The following OTOR variants were observed in gnomAD, a reference collection of about 807,000 sequenced individuals.
OTOR encodes fibrocyte-derived protein.
In OTOR, 20 loss-of-function variants were observed where a neutral mutation model predicts 15.9. The ratio of observed to expected loss-of-function variants is 1.26; its 90% CI spans 0.89 to 1.83. The LOEUF (loss-of-function observed/expected upper bound fraction) is 1.83, where lower values mean the gene tolerates loss of function less well. OTOR is among the 40% of genes most tolerant of loss of function. The pLI is 0.00. For synonymous variants in OTOR, 53 were observed against 54.2 expected (o/e 0.98, Z 0.09); for missense variants, 184 against 159.0 (o/e 1.16, Z -0.85).
At chr20:16,749,259 C>T in intron 2 of OTOR, 1 of 304,630 alleles carries the variant, frequency 3.3e-6, no homozygotes, top group Non-Finnish European at 5.9e-6. Flanking sequence ...TTAAACATCC[C>T]AAAGAATTTG....
At chr20:16,751,003 T>G (rs1397665076) in intron 3 of OTOR, 92 bp from the exon 4 acceptor site, 15 of 957,364 alleles carry the variant, frequency 1.6e-5, no homozygotes, top group Non-Finnish European at 2.2e-5. Context: ...CAAATTTCTC[T>G]GATTAGATAT....
At chr20:16,750,539 C>A (rs1022042047) in intron 3 of OTOR, among the ~76,000 whole-genome samples, 1 of 151,952 alleles carries the variant, frequency 6.6e-6, no homozygotes, top group South Asian at 2.1e-4. Flanking sequence ...AATAAAGAAA[C>A]CAAAGTCAGC....
chr20:16,749,235 A>G (rs1339557428), intron 2 of OTOR: 2 of 361,204 alleles, frequency 5.5e-6, no homozygotes, highest in Non-Finnish European at 9.8e-6. Flanking sequence ...AAAAAGAGTC[A>G]AATACATGGG....
At chr20:16,749,118 T>G in intron 2 of OTOR, 112 bp downstream of exon 2, 1 of 668,204 alleles carries the variant, frequency 1.5e-6, no homozygotes, top group East Asian at 3.3e-5. Flanking sequence ...ATGTAGTGAT[T>G]GTAGATGGAA....
rs1276925082 is a variant in OTOR at position 16,749,892 on chromosome 20, T to G, written c.256-11T>G. The G allele has an allele frequency of 6.3e-7, 1 of 1,581,862 alleles. No individual in the cohort carries two copies. Among genetic ancestry groups the G allele is most frequent in the South Asian group, 1.1e-5 (1 of 90,352 alleles). The stretch of plus-strand genomic sequence containing the variant: ...AGCTTTTTCCTGATTGCTATTCTTC[T>G]GGGCACTTAGGTTTATGGTGATGGC... On this transcript the variant is annotated splice_polypyrimidine_tract_variant and intron_variant, in intron 2 of 3. Coordinates refer to ENST00000246081, the MANE Select transcript of OTOR (RefSeq NM_020157.4).
intron 1 of OTOR, 135 bp from the exon 2 acceptor site, chr20:16,748,732 T>C (rs1382722346): frequency 2.6e-6 from 2 of 765,806 alleles, no homozygotes; most frequent in Admixed American, 3.3e-5. Context: ...GTCTTCTTTC[T>C]CTTGGATAGA....
Position 16,748,381 on chromosome 20 carries a change from G to C in OTOR, c.-21G>C. 1 of 1,536,754 alleles carries C rather than the reference G, an allele frequency of 6.5e-7. No individual in the cohort carries two copies. The highest frequency in any genetic ancestry group is 9.0e-7 in the Non-Finnish European group (1 of 1,109,626). Reference sequence around the variant, plus strand: ...GTCCCCGCTTCCAGTCAGAGTTCAAGTTAAAACAGAAAAAAGGAAGATGGC... The same window carrying C: ...GTCCCCGCTTCCAGTCAGAGTTCAACTTAAAACAGAAAAAAGGAAGATGGC... On this transcript the variant is annotated 5_prime_UTR_variant, in exon 1 of 4. Transcript: ENST00000246081.
Position 16,751,154 on chromosome 20 carries a change from C to CA in OTOR, c.*41dup. ...AAAACTGCAAATAGAAAGAAAACACCAAAAATAAAGAAAAGAGCAAAAGTG... is the reference window on the plus strand; with the variant it reads ...AAAACTGCAAATAGAAAGAAAACACCAAAAAATAAAGAAAAGAGCAAAAGTG... On this transcript the variant is annotated 3_prime_UTR_variant, in exon 4 of 4. Transcript: ENST00000246081. 2.8e-6 allele frequency: 4 copies of CA among 1,441,298 alleles called. 1 individual carries two copies. The South Asian group carries it at 5.2e-5, about 19-fold the overall frequency. 89.3% of individuals were successfully genotyped at this position (1,441,298 alleles called of 1,614,324 possible). A position where few individuals can be genotyped will look rare whatever the true frequency, so the allele number is the denominator to read the frequency against.
At chr20:16,750,046 A>T in intron 3 of OTOR, 36 bp downstream of exon 3, 1 of 1,366,174 alleles carries the variant, frequency 7.3e-7, no homozygotes, top group South Asian at 1.2e-5. Context: ...AAGGACTCAG[A>T]TCTTGGGGCA....
intron 2 of OTOR, chr20:16,749,647 C>A (rs2072515192): frequency 2.3e-6 from 1 of 439,558 alleles, no homozygotes; most frequent in Non-Finnish European, 4.0e-6. Context: ...AGGCAACTCA[C>A]AAGATTGCGT....
At position 16,750,970 on chromosome 20, in the gene OTOR, T is replaced by C; in HGVS notation, c.364-125T>C. On this transcript the variant is annotated intron_variant, in intron 3 of 3. Transcript: ENST00000246081. ...GTAAATATTTCATATTTTTTGGGGGTCAACCTTTACTTACTTTAAATCCAA... is the reference window on the plus strand; with the variant it reads ...GTAAATATTTCATATTTTTTGGGGGCCAACCTTTACTTACTTTAAATCCAA... 2 of 725,236 alleles carry C rather than the reference T, an allele frequency of 2.8e-6. 1 individual carries two copies. Among genetic ancestry groups the C allele is most frequent in the South Asian group, 3.6e-5 (2 of 55,038 alleles). 44.9% of individuals were successfully genotyped at this position (725,236 alleles called of 1,614,324 possible). A position where few individuals can be genotyped will look rare whatever the true frequency, so the allele number is the denominator to read the frequency against.
intron 3 of OTOR, among the ~76,000 whole-genome samples, chr20:16,750,387 C>T (rs2072521911): frequency 6.8e-6 from 1 of 147,682 alleles, no homozygotes; most frequent in South Asian, 2.2e-4. Flanking sequence ...ACATACATCA[C>T]CTCACATAGT....
In OTOR at chr20:16,748,961, A is replaced by G. The variant is rs756825842; in HGVS notation, c.210A>G (p.Ser70=). The change falls in exon 2 of 4, where the codon TCA becomes TCG. Residue 70 remains serine, a synonymous_variant. Coordinates refer to ENST00000246081, the MANE Select transcript of OTOR (RefSeq NM_020157.4). ...AAGGGCAGCAGATCTATGTGTACTCAAAGCTGGTAAAAGAAAATGGAGCTG... is the reference window on the plus strand; with the variant it reads ...AAGGGCAGCAGATCTATGTGTACTCGAAGCTGGTAAAAGAAAATGGAGCTG... ...VKKGQQIYVY[S]KLVKENGAGE... is the part of the protein sequence containing the mutation. 1 of 1,611,414 alleles carries G rather than the reference A, an allele frequency of 6.2e-7. No individual in the cohort carries two copies. The highest frequency in any genetic ancestry group is 2.2e-5 in the East Asian group (1 of 44,738).
intron 2 of OTOR, chr20:16,749,607 A>G (rs2072515005): frequency 5.7e-6 from 2 of 351,480 alleles, no homozygotes; most frequent in Non-Finnish European, 1.0e-5. Context: ...CTGTCTTTAT[A>G]TATTTATTTA....
At chr20:16,750,104 G>A in intron 3 of OTOR, 94 bp downstream of exon 3, 1 of 780,168 alleles carries the variant, frequency 1.3e-6, no homozygotes, top group Admixed American at 2.3e-5. Flanking sequence ...AAGTTGTATA[G>A]AACAAAGCCT....
In OTOR at chr20:16,751,777, T is replaced by C. The variant is rs1433045918; in HGVS notation, c.*659T>C. 6.6e-6 allele frequency: 1 copy of C among 152,300 alleles called. No homozygotes were observed. Among genetic ancestry groups the C allele is most frequent in the East Asian group, 1.9e-4 (1 of 5,188 alleles). The allele number at this position is 152,300 out of a possible 1,614,324, so 9.4% of individuals were successfully genotyped here. On this transcript the variant is annotated 3_prime_UTR_variant, in exon 4 of 4. Coordinates refer to ENST00000246081, the MANE Select transcript of OTOR (RefSeq NM_020157.4). ...AATGATCAATTTACTTCTCCCCCAATTTTAAAGAAGTATGTGTATATTTAA... is the reference window on the plus strand; with the variant it reads ...AATGATCAATTTACTTCTCCCCCAACTTTAAAGAAGTATGTGTATATTTAA...
chr20:16,751,294 A>C lies in OTOR; in HGVS notation c.*176A>C. 3.5e-6 allele frequency: 2 copies of C among 574,334 alleles called. No individual in the cohort carries two copies. 35.6% of individuals were successfully genotyped at this position (574,334 alleles called of 1,614,324 possible). A position where few individuals can be genotyped will look rare whatever the true frequency, so the allele number is the denominator to read the frequency against. On this transcript the variant is annotated 3_prime_UTR_variant, in exon 4 of 4. Coordinates refer to ENST00000246081, the MANE Select transcript of OTOR (RefSeq NM_020157.4). ...AGATAAAAGAGGATTTTCAACTCAA[A>C]TCTTGTTTCCTGCTGGCCTGGTCTG... is the stretch of plus-strand genomic sequence containing the variant.
At chr20:16,749,379 G>A (rs1049813768) in intron 2 of OTOR, 27 of 172,288 alleles carry the variant, frequency 1.6e-4, no homozygotes, top group Non-Finnish European at 2.3e-4. Flanking sequence ...TAATTAATTC[G>A]AAAGAATCAG....
At chr20:16,749,391 G>A (rs1568759017) in intron 2 of OTOR, 1 of 169,916 alleles carries the variant, frequency 5.9e-6, no homozygotes, top group Non-Finnish European at 1.2e-5. Context: ...AAGAATCAGC[G>A]TTCTTCAGTT....
Sources: gnomAD v4.1 joint callset for allele counts (sites outside exome capture counted in the v4.1 genomes callset) on GRCh38, gnomAD v4.1.1 for gene constraint, MANE v1.5 for transcripts, NCBI Gene and HGNC (gene_info 2026-07-23, HGNC 2026-07-21) for gene names.